The following FSHR variants were observed in gnomAD, a reference collection of about 807,000 sequenced individuals.
FSHR encodes the protein follicle-stimulating hormone receptor.
Under a neutral mutation model 52.1 loss-of-function variants are expected in FSHR, and 46 were observed. That is an observed-to-expected ratio of 0.88 (90% CI 0.70 to 1.13). The LOEUF (loss-of-function observed/expected upper bound fraction) is 1.13. Among genes scored for constraint, FSHR ranks in the 50% most tolerant of loss-of-function variants. The probability of loss-of-function intolerance (pLI) is 0.00; values close to 1 mark genes in which losing one functional copy is unlikely to be tolerated. For synonymous variants in FSHR, 399 were observed against 309.6 expected, an observed-to-expected ratio of 1.29 and a Z score of -3.03; for missense variants, 964 against 834.6, an observed-to-expected ratio of 1.16 and a Z score of -1.91.
At chr2:49,061,137 C>T (rs1355487557) in intron 2 of FSHR, among the ~76,000 whole-genome samples, 2 of 152,064 alleles carry the variant, frequency 1.3e-5, no homozygotes, top group East Asian at 1.9e-4. Flanking sequence ...TAGGGGGTGC[C>T]TCAGAGTCAC....
chr2:49,077,852 A>G (rs1011613046), intron 1 of FSHR, among the ~76,000 whole-genome samples: 14 of 152,114 alleles, frequency 9.2e-5, no homozygotes, highest in African/African-American at 3.4e-4. Flanking sequence ...TCCAGTTACC[A>G]ACAAGTTCCT....
intron 1 of FSHR, among the ~76,000 whole-genome samples, chr2:49,132,263 C>T (rs573712426): frequency 6.6e-6 from 1 of 152,250 alleles, no homozygotes; most frequent in East Asian, 1.9e-4. Flanking sequence ...CCGTTTGGCA[C>T]AACTGCATGC....
chr2:49,087,070 G>GATTTTTTTTTTTTTTT (rs60949511), intron 1 of FSHR, among the ~76,000 whole-genome samples: 3 of 86,728 alleles, frequency 3.5e-5, no homozygotes, highest in African/African-American at 1.3e-4. Context: ...TGTGGGCAGG[G>GATTTTTTTTTTTTTTT]TTTTTTTTTT....
intron 1 of FSHR, among the ~76,000 whole-genome samples, chr2:49,086,459 A>G (rs1026420417): frequency 2.0e-5 from 3 of 152,110 alleles, no homozygotes; most frequent in African/African-American, 7.2e-5. Context: ...CTGTCTTGTA[A>G]CTTAAGACTT....
Position 48,968,899 on chromosome 2 carries a change from G to A in FSHR, c.669-16C>T, listed in dbSNP as rs1158508668. 1.2e-6 allele frequency: 2 copies of A among 1,610,362 alleles called. No individual in the cohort carries two copies. Among genetic ancestry groups the A allele is most frequent in the East Asian group, 2.2e-5 (1 of 44,836 alleles). ...TGAAATATCTCTATAAAGAGAAAAG[G>A]TAAATATAACAGGATTACTATGGAC... On this transcript the variant is annotated splice_polypyrimidine_tract_variant and intron_variant, in intron 8 of 9. Transcript: ENST00000406846.
At chr2:49,081,643 C>A (rs1670174130) in intron 1 of FSHR, among the ~76,000 whole-genome samples, 1 of 152,112 alleles carries the variant, frequency 6.6e-6, no homozygotes, top group African/African-American at 2.4e-5. Context: ...TTAAATAATT[C>A]ACCACTATGA....
chr2:49,121,101 G>T (rs1011578), intron 1 of FSHR, among the ~76,000 whole-genome samples: 37,447 of 152,074 alleles, frequency 0.25, 4,945 homozygotes, highest in East Asian at 0.47. Context: ...AAGCTGTTTT[G>T]GATAATATGT....
chr2:49,088,766 T>G (rs1032506737), intron 1 of FSHR, among the ~76,000 whole-genome samples: 2 of 152,214 alleles, frequency 1.3e-5, no homozygotes, highest in African/African-American at 2.4e-5. Flanking sequence ...AACTTCCTTT[T>G]AGAGTCCATG....
rs114978642 is a variant in FSHR at position 49,090,533 on chromosome 2, G to C, written c.153-22243C>G. On this transcript the variant is annotated intron_variant, in intron 1 of 9. Coordinates refer to ENST00000406846, the MANE Select transcript of FSHR (RefSeq NM_000145.4). ...TATTCACCTGTTGAAGTACCTTTGG[G>C]TTGTTCTTGTTTGGGGATGATTATG... Among the ~76,000 whole-genome samples, 286 of 152,252 alleles carry C rather than the reference G, an allele frequency of 1.9e-3. 1 individual carries two copies. The highest frequency in any genetic ancestry group is 6.4e-3 in the African/African-American group (265 of 41,548).
At chr2:49,067,667 G>A (rs960108958) in intron 2 of FSHR, among the ~76,000 whole-genome samples, 1 of 152,046 alleles carries the variant, frequency 6.6e-6, no homozygotes, top group African/African-American at 2.4e-5. Context: ...CTCTAAATTA[G>A]ACTAGCGCAA....
intron 2 of FSHR, among the ~76,000 whole-genome samples, chr2:49,067,748 C>G (rs1410783807): frequency 6.6e-6 from 1 of 152,096 alleles, no homozygotes; most frequent in African/African-American, 2.4e-5. Context: ...GTGCTGTAAA[C>G]TTTCCTAGTA....
chr2:49,134,633 C>T (rs190195389), intron 1 of FSHR, among the ~76,000 whole-genome samples: 1 of 152,250 alleles, frequency 6.6e-6, no homozygotes, highest in Non-Finnish European at 1.5e-5. Context: ...TATTGTGGCA[C>T]TATTCACAAT....
At chr2:49,050,547 A>G (rs534988916) in intron 2 of FSHR, among the ~76,000 whole-genome samples, 1 of 152,208 alleles carries the variant, frequency 6.6e-6, no homozygotes, top group East Asian at 1.9e-4. Context: ...GTAGATTCCA[A>G]CTAAAAGAAG....
Position 49,021,639 on chromosome 2 carries a change from AG to A in FSHR, c.225-1480del, listed in dbSNP as rs538295443. 2.4e-4 allele frequency among the ~76,000 whole-genome samples: 36 copies of A among 151,896 alleles called. No individual in the cohort carries two copies. In the East Asian group the frequency reaches 6.9e-3, roughly 29 times the overall value. ...ATCTGTGACTGGTGCATCTGTGACCAGGGGGCTGGTGACATCTGTGGCTTGT... is the reference window on the plus strand; with the variant it reads ...ATCTGTGACTGGTGCATCTGTGACCAGGGGCTGGTGACATCTGTGGCTTGT... On this transcript the variant is annotated intron_variant, in intron 2 of 9. Coordinates refer to ENST00000406846, the MANE Select transcript of FSHR (RefSeq NM_000145.4).
intron 1 of FSHR, among the ~76,000 whole-genome samples, chr2:49,101,462 G>C (rs544983226): frequency 7.2e-5 from 11 of 151,926 alleles, no homozygotes; most frequent in Non-Finnish European, 1.3e-4. Flanking sequence ...AATAGACAAG[G>C]GTACGATTAT....
chr2:49,090,660 A>T (rs1218684779), intron 1 of FSHR, among the ~76,000 whole-genome samples: 2 of 152,214 alleles, frequency 1.3e-5, no homozygotes, highest in Non-Finnish European at 2.9e-5. Flanking sequence ...TCACATGATA[A>T]ATATGTTTGA....
At chr2:49,114,473 G>T (rs1460185041) in intron 1 of FSHR, among the ~76,000 whole-genome samples, 1 of 152,184 alleles carries the variant, frequency 6.6e-6, no homozygotes, top group African/African-American at 2.4e-5. Flanking sequence ...GAATGAATGA[G>T]AAGGTTTTCA....
intron 2 of FSHR, among the ~76,000 whole-genome samples, chr2:49,047,214 G>GTCTGCT (rs780028223): frequency 4.6e-5 from 7 of 152,254 alleles, no homozygotes; most frequent in Non-Finnish European, 7.4e-5. Flanking sequence ...TAAATGAAAA[G>GTCTGCT]TTACATCTCA....
intron 1 of FSHR, among the ~76,000 whole-genome samples, chr2:49,136,077 G>A (rs183438398): frequency 6.6e-6 from 1 of 151,732 alleles, no homozygotes; most frequent in East Asian, 1.9e-4. Flanking sequence ...GACTCCCAAA[G>A]CTAGTTCTTT....
Sources: allele counts gnomAD v4.1 joint callset (sites outside exome capture counted in the v4.1 genomes callset), GRCh38; gene constraint gnomAD v4.1.1; transcripts MANE v1.5; gene names NCBI Gene and HGNC (gene_info 2026-07-23, HGNC 2026-07-21).